The following CHD1 variants were observed in gnomAD, a reference collection of about 807,000 sequenced individuals.
The protein encoded by CHD1 is chromodomain helicase DNA binding protein 1.
Under a neutral mutation model 224.2 loss-of-function variants are expected in CHD1, and 36 were observed. That is an observed-to-expected ratio of 0.16 (90% CI 0.12 to 0.21). The LOEUF is 0.21. CHD1 is among the 10% of genes least tolerant of loss of function. The pLI is 1.00. For missense variants in CHD1, 1,378 were observed against 1,994.8 expected (o/e 0.69, Z 5.89); for synonymous variants, 668 against 658.3 (o/e 1.01, Z -0.23).
rs187658591 is a variant in CHD1 at position 98,912,029 on chromosome 5, A to T, written c.54-6931T>A. ...GAATACTTTTTTTATTCTAAAATAC[A>T]TACTGACTGTTACAGAGAATGGTCT... On this transcript the variant is annotated intron_variant, in intron 2 of 35. Transcript: ENST00000614616. 1.1e-3 allele frequency among the ~76,000 whole-genome samples: 162 copies of T among 152,308 alleles called. 2 individuals are homozygous for T. The highest frequency in any genetic ancestry group is 3.7e-3 in the African/African-American group (154 of 41,562).
intron 32 of CHD1, among the ~76,000 whole-genome samples, chr5:98,861,605 G>A (rs912985948): frequency 2.6e-5 from 4 of 151,100 alleles, no homozygotes; most frequent in Admixed American, 2.6e-4. Flanking sequence ...GGGTTCAAGC[G>A]ATTCTCTTGC....
intron 3 of CHD1, among the ~76,000 whole-genome samples, chr5:98,904,475 T>C (rs1289728936): frequency 1.3e-5 from 2 of 152,218 alleles, no homozygotes; most frequent in Admixed American, 6.5e-5. Flanking sequence ...TCCATCATTA[T>C]CTTTGAGGAA....
intron 22 of CHD1, among the ~76,000 whole-genome samples, chr5:98,880,777 G>A (rs913410803): frequency 2.0e-5 from 3 of 152,164 alleles, no homozygotes; most frequent in Non-Finnish European, 4.4e-5. Flanking sequence ...CTAAGTAAGA[G>A]ATCACACTGA....
chr5:98,928,332 G>A (rs1018771342), intron 1 of CHD1, among the ~76,000 whole-genome samples: 12 of 152,078 alleles, frequency 7.9e-5, no homozygotes, highest in Non-Finnish European at 1.8e-4. Context: ...CCGGCGCAAG[G>A]ATGCGTTCTG....
At chr5:98,882,156 G>A (rs767025169) in intron 19 of CHD1, 33 bp from the exon 20 acceptor site, 1 of 1,586,466 alleles carries the variant, frequency 6.3e-7, no homozygotes, top group East Asian at 2.2e-5. Context: ...ACAAATTGCA[G>A]TATAAAGGAT....
chr5:98,909,692 TTTC>T (rs1355951221), intron 2 of CHD1, among the ~76,000 whole-genome samples: 1 of 152,200 alleles, frequency 6.6e-6, no homozygotes, highest in African/African-American at 2.4e-5. Context: ...AGGGGTTTTA[TTTC>T]TTTTCCTTAT....
intron 7 of CHD1, among the ~76,000 whole-genome samples, chr5:98,899,941 C>G (rs1751586791): frequency 6.6e-6 from 1 of 152,096 alleles, no homozygotes; most frequent in South Asian, 2.1e-4. Flanking sequence ...AGAGATCCAC[C>G]TGAGATCCCA....
At chr5:98,907,982 C>T (rs1267492278) in intron 2 of CHD1, among the ~76,000 whole-genome samples, 3 of 152,116 alleles carry the variant, frequency 2.0e-5, no homozygotes, top group Admixed American at 6.5e-5. Flanking sequence ...AAGCCTCTCC[C>T]TAATAAAGTA....
intron 2 of CHD1, among the ~76,000 whole-genome samples, chr5:98,912,348 C>T (rs1365420268): frequency 6.6e-6 from 1 of 152,022 alleles, no homozygotes; most frequent in Non-Finnish European, 1.5e-5. Flanking sequence ...TTAAAAAAAT[C>T]CGAAAAGATA....
intron 30 of CHD1, chr5:98,868,860 T>C: frequency 1.9e-6 from 1 of 536,772 alleles, no homozygotes; most frequent in Non-Finnish European, 2.8e-6. Flanking sequence ...TAAAGAGTGT[T>C]CAGACCTACT....
intron 19 of CHD1, 46 bp from the exon 20 acceptor site, chr5:98,882,169 G>C (rs1041574643): frequency 2.8e-5 from 43 of 1,551,268 alleles, no homozygotes; most frequent in Non-Finnish European, 3.7e-5. Flanking sequence ...TAAAGGATTT[G>C]TTTTGCTAAC....
chr5:98,860,416 C>A, intron 32 of CHD1: 1 of 289,576 alleles, frequency 3.5e-6, no homozygotes, highest in Non-Finnish European at 6.7e-6. Flanking sequence ...ATATAAGGGA[C>A]AGGTATGTTA....
rs113099099 is a variant in CHD1 at position 98,900,734 on chromosome 5, G to A, written c.859+77C>T. ...CCCAAAGTACTGGGATTACAGGGGC[G>A]ACCCACTGTGCCCAGCCCTCTACTC... On this transcript the variant is annotated intron_variant, in intron 7 of 35. Coordinates refer to ENST00000614616, the MANE Select transcript of CHD1 (RefSeq NM_001270.4). 3.5e-4 allele frequency: 442 copies of A among 1,279,496 alleles called. 3 individuals carry two copies. In the African/African-American group the frequency reaches 5.0e-3, roughly 14 times the overall value. The allele number at this position is 1,279,496 out of a possible 1,614,324, so 79.3% of individuals were successfully genotyped here.
intron 13 of CHD1, 113 bp from the exon 14 acceptor site, chr5:98,893,719 G>A: frequency 1.5e-6 from 1 of 680,428 alleles, no homozygotes; most frequent in Middle Eastern, 4.2e-4. Flanking sequence ...AACAAACTTT[G>A]TCTAATTTTC....
chr5:98,883,067 AT>A lies in CHD1; in HGVS notation c.2718+20del. 1 of 1,383,622 alleles carries A rather than the reference AT, an allele frequency of 7.2e-7. No homozygotes were observed. The highest frequency in any genetic ancestry group is 9.5e-7 in the Non-Finnish European group (1 of 1,054,816). The allele number at this position is 1,383,622 out of a possible 1,614,324, so 85.7% of individuals were successfully genotyped here. A position where few individuals can be genotyped will look rare whatever the true frequency, so the allele number is the denominator to read the frequency against. Reference sequence around the variant, plus strand: ...AAGAATTCTAAAACAGCAATATAATATAAATTAAAATTAAAAATACCTGTTT... The same window carrying A: ...AAGAATTCTAAAACAGCAATATAATAAAATTAAAATTAAAAATACCTGTTT... On this transcript the variant is annotated intron_variant, in intron 19 of 35. Coordinates refer to ENST00000614616, the MANE Select transcript of CHD1 (RefSeq NM_001270.4).
At chr5:98,888,547 A>G (rs1301826463) in intron 16 of CHD1, among the ~76,000 whole-genome samples, 1 of 152,208 alleles carries the variant, frequency 6.6e-6, no homozygotes, top group African/African-American at 2.4e-5. Flanking sequence ...AAGAACAATG[A>G]CATCAGAAGC....
At chr5:98,911,704 G>A (rs1752435103) in intron 2 of CHD1, among the ~76,000 whole-genome samples, 1 of 152,172 alleles carries the variant, frequency 6.6e-6, no homozygotes, top group Non-Finnish European at 1.5e-5. Flanking sequence ...CTGGTACGCA[G>A]AGTAAGGAAT....
At chr5:98,887,306 T>C (rs955760252) in intron 17 of CHD1, among the ~76,000 whole-genome samples, 7 of 152,274 alleles carry the variant, frequency 4.6e-5, no homozygotes, top group African/African-American at 1.7e-4. Context: ...GTTACATTTA[T>C]TTGTAATCAC....
rs569832550 is a variant in CHD1, at chr5:98,918,215, G to A, written c.53+8119C>T. On this transcript the variant is annotated intron_variant, in intron 2 of 35. Transcript: ENST00000614616. ...TGGGACCACAGGTGCCCGCCAACACGCCCAGCTAATTTTTTTGTATTTTTA... is the reference window on the plus strand; with the variant it reads ...TGGGACCACAGGTGCCCGCCAACACACCCAGCTAATTTTTTTGTATTTTTA... 2.6e-5 allele frequency among the ~76,000 whole-genome samples: 4 copies of A among 151,564 alleles called. No individual in the cohort carries two copies. The South Asian group carries it at 6.3e-4, about 24-fold the overall frequency.
Sources: allele counts gnomAD v4.1 joint callset (sites outside exome capture counted in the v4.1 genomes callset), GRCh38; gene constraint gnomAD v4.1.1; transcripts MANE v1.5; gene names NCBI Gene and HGNC (gene_info 2026-07-23, HGNC 2026-07-21).